Variants in PLAGL2 observed in about 807,000 individuals in gnomAD.
PLAGL2 encodes the protein zinc finger protein PLAGL2.
Under a neutral mutation model 29.0 loss-of-function variants are expected in PLAGL2, and 7 were observed. That is an observed-to-expected ratio of 0.24 (90% CI 0.14 to 0.45). The LOEUF is 0.45. Ranked by LOEUF, PLAGL2 falls within the 20% of genes least tolerant of loss-of-function variation. The pLI is 0.99. For missense variants in PLAGL2, 454 were observed against 648.2 expected, an observed-to-expected ratio of 0.70 and a Z score of 3.25; for synonymous variants, 234 against 266.0, an observed-to-expected ratio of 0.88 and a Z score of 1.17.
chr20:32,201,292 A>G (rs1482807365), intron 2 of PLAGL2, among the ~76,000 whole-genome samples: 2 of 152,232 alleles, frequency 1.3e-5, no homozygotes, highest in Non-Finnish European at 2.9e-5. Flanking sequence ...TATTTAAAAA[A>G]AAATGTTCAG....
rs1437283248 is a variant in PLAGL2, at chr20:32,197,126, T to A, written c.817A>T (p.Ser273Cys). The A allele has an allele frequency of 1.2e-6, 2 of 1,614,186 alleles. No homozygotes were observed. Among genetic ancestry groups the A allele is most frequent in the Admixed American group, 1.7e-5 (1 of 60,036 alleles). Residue 273 changes from serine (S) to cysteine (C), a missense_variant, in exon 3 of 3, where the codon AGC (serine) becomes TGC (cysteine). Coordinates refer to ENST00000246229, the MANE Select transcript of PLAGL2 (RefSeq NM_002657.3). The surrounding 1 kb of genome is among the most constrained non-coding windows in gnomAD (Gnocchi z 6.6). ...SSTVSVKEEL[S>C]PVLCMASRDV... ...CGAGAGGCCATGCACAGCACAGGGCTCAGCTCTTCCTTCACACTGACTGTG... is the reference window on the plus strand; with the variant it reads ...CGAGAGGCCATGCACAGCACAGGGCACAGCTCTTCCTTCACACTGACTGTG...
rs2047226635 is a variant in PLAGL2, at chr20:32,196,158, T to C, written c.*294A>G. 2 of 219,650 alleles carry C rather than the reference T, an allele frequency of 9.1e-6. No individual in the cohort carries two copies. The highest frequency in any genetic ancestry group is 2.3e-5 in the African/African-American group (1 of 44,014). The allele number at this position is 219,650 out of a possible 1,614,324, so 13.6% of individuals were successfully genotyped here. On this transcript the variant is annotated 3_prime_UTR_variant, in exon 3 of 3. Coordinates refer to ENST00000246229, the MANE Select transcript of PLAGL2 (RefSeq NM_002657.3). ...CCAAAGAGAAGGAGGTTCTGGCGCT[T>C]TGGAGAGGAAGAGGGCCAAGTGTGG...
In PLAGL2 at chr20:32,196,755, A is replaced by C. The variant is rs1456104988; in HGVS notation, c.1188T>G (p.Leu396=). ...CAGAGAGGTTGGCGGGGCTCTTGGC[A>C]AGCAGTGCTTCATCTAGGAGGGCCG... ...AAAALLDEAL[L]AKSPANLSEA... Residue 396 remains leucine, a synonymous_variant, in exon 3 of 3, where the codon CTT becomes CTG. Coordinates refer to ENST00000246229, the MANE Select transcript of PLAGL2 (RefSeq NM_002657.3). 6.3e-6 allele frequency: 10 copies of C among 1,598,082 alleles called. No homozygotes were observed. In the Admixed American group the frequency reaches 1.2e-4, roughly 19 times the overall value.
Position 32,200,014 on chromosome 20 carries a change from C to T in PLAGL2, c.260+1905G>A, listed in dbSNP as rs1372268092. 1.3e-4 allele frequency among the ~76,000 whole-genome samples: 20 copies of T among 152,224 alleles called. No homozygotes were observed. In the South Asian group the frequency reaches 3.3e-3, roughly 25 times the overall value. ...TTAGTCCCTTCCTATTAACTGTTTT[C>T]CAGATGAGGAACTGAGGCTTTGTGG... On this transcript the variant is annotated intron_variant, in intron 2 of 2. Coordinates refer to ENST00000246229, the MANE Select transcript of PLAGL2 (RefSeq NM_002657.3).
chr20:32,199,266 C>A (rs1292829745), intron 2 of PLAGL2, among the ~76,000 whole-genome samples: 1 of 152,198 alleles, frequency 6.6e-6, no homozygotes, highest in Non-Finnish European at 1.5e-5. Flanking sequence ...ACACCCCCTG[C>A]CCACATCCCA....
Position 32,202,310 on chromosome 20 carries a change from C to G in PLAGL2, c.-114-18G>C. ...CTCTTCACCTGAAACATCAGAACACCTGGTGTTAGGGAGCCCAATACCATG... is the reference window on the plus strand; with the variant it reads ...CTCTTCACCTGAAACATCAGAACACGTGGTGTTAGGGAGCCCAATACCATG... On this transcript the variant is annotated intron_variant, in intron 1 of 2. Transcript: ENST00000246229. The G allele has an allele frequency of 1.1e-6, 1 of 881,732 alleles. No individual in the cohort carries two copies. The highest frequency in any genetic ancestry group is 1.7e-6 in the Non-Finnish European group (1 of 571,644). The allele number at this position is 881,732 out of a possible 1,614,324, so 54.6% of individuals were successfully genotyped here.
chr20:32,206,379 T>A (rs2047287456), intron 1 of PLAGL2, among the ~76,000 whole-genome samples: 2 of 152,200 alleles, frequency 1.3e-5, no homozygotes, highest in Admixed American at 1.3e-4. Context: ...ACTCTCAGGC[T>A]GCTAATTCTT....
Position 32,193,871 on chromosome 20 carries a change from T to G in PLAGL2, c.*2581A>C, listed in dbSNP as rs1189487469. 4 of 152,312 alleles carry G rather than the reference T, an allele frequency of 2.6e-5. No homozygotes were observed. The East Asian group carries it at 7.7e-4, about 29-fold the overall frequency. The allele number at this position is 152,312 out of a possible 1,614,324, so 9.4% of individuals were successfully genotyped here. On this transcript the variant is annotated 3_prime_UTR_variant, in exon 3 of 3. Coordinates refer to ENST00000246229, the MANE Select transcript of PLAGL2 (RefSeq NM_002657.3). ...AAAAAAAGGTGAAGGCAGATATTATTCCTCTGTACCAGCAAAGTTCACAGT... is the reference window on the plus strand; with the variant it reads ...AAAAAAAGGTGAAGGCAGATATTATGCCTCTGTACCAGCAAAGTTCACAGT...
rs2122527487 is a variant in PLAGL2 at position 32,194,788 on chromosome 20, G to C, written c.*1664C>G. ...CTACTGAGAGAAGTGCCCAGAAACTGCTGACTGCATCTGTTAAGAGTTAAC... is the reference window on the plus strand; with the variant it reads ...CTACTGAGAGAAGTGCCCAGAAACTCCTGACTGCATCTGTTAAGAGTTAAC... On this transcript the variant is annotated 3_prime_UTR_variant, in exon 3 of 3. Transcript: ENST00000246229. 6.5e-6 allele frequency: 1 copy of C among 152,754 alleles called. No individual in the cohort carries two copies. Among genetic ancestry groups the C allele is most frequent in the South Asian group, 2.1e-4 (1 of 4,828 alleles). 9.5% of individuals were successfully genotyped at this position (152,754 alleles called of 1,614,324 possible). A position where few individuals can be genotyped will look rare whatever the true frequency, so the allele number is the denominator to read the frequency against.
rs1441790168 is a variant in PLAGL2 at position 32,197,696 on chromosome 20, C to G, written c.261-14G>C. The stretch of plus-strand genomic sequence containing the variant: ...GTGGCCATGTGCCTGGGGGTAGAGA[C>G]AGGGGATAGGGGAGAAAGCAGAAAG... On this transcript the variant is annotated splice_polypyrimidine_tract_variant and intron_variant, in intron 2 of 2. Transcript: ENST00000246229. The surrounding 1 kb of genome is among the most constrained non-coding windows in gnomAD (Gnocchi z 6.6). The G allele has an allele frequency of 6.2e-7, 1 of 1,609,212 alleles. No individual in the cohort carries two copies. The highest frequency in any genetic ancestry group is 8.5e-7 in the Non-Finnish European group (1 of 1,176,606).
chr20:32,199,238 A>G (rs2047246233), intron 2 of PLAGL2, among the ~76,000 whole-genome samples: 2 of 152,150 alleles, frequency 1.3e-5, no homozygotes, highest in African/African-American at 4.8e-5. Flanking sequence ...GATCCTTTCT[A>G]CCTGGAGGGT....
At chr20:32,203,741 G>C (rs2047271565) in intron 1 of PLAGL2, among the ~76,000 whole-genome samples, 1 of 152,174 alleles carries the variant, frequency 6.6e-6, no homozygotes, top group South Asian at 2.1e-4. Context: ...GGGATCAGCG[G>C]GTTCATGCCC....
intron 2 of PLAGL2, among the ~76,000 whole-genome samples, chr20:32,199,115 T>TA (rs539750479): frequency 5.6e-4 from 85 of 151,884 alleles, no homozygotes; most frequent in Middle Eastern, 3.4e-3. Context: ...GAAAGGAGTC[T>TA]AAAAAAAAGG....
At chr20:32,207,173 G>A (rs2047293142) in intron 1 of PLAGL2, among the ~76,000 whole-genome samples, 1 of 152,178 alleles carries the variant, frequency 6.6e-6, no homozygotes, top group African/African-American at 2.4e-5. Context: ...AGTTATGTAA[G>A]TCTGGAAAAT....
Position 32,195,799 on chromosome 20 carries a change from T to C in PLAGL2, c.*653A>G, listed in dbSNP as rs2047224626. The C allele has an allele frequency of 6.5e-6, 1 of 152,740 alleles. No homozygotes were observed. The highest frequency in any genetic ancestry group is 1.5e-5 in the Non-Finnish European group (1 of 68,118). The allele number at this position is 152,740 out of a possible 1,614,324, so 9.5% of individuals were successfully genotyped here. On this transcript the variant is annotated 3_prime_UTR_variant, in exon 3 of 3. Coordinates refer to ENST00000246229, the MANE Select transcript of PLAGL2 (RefSeq NM_002657.3). ...GAATGGATTCACGGTGTGTAAACAG[T>C]GTTCACTGCAATCACTCTAAGGCTA...
chr20:32,196,998 C>T lies in PLAGL2; in HGVS notation c.945G>A (p.Val315=), dbSNP rs114966148. 9 of 1,614,192 alleles carry T rather than the reference C, an allele frequency of 5.6e-6. No homozygotes were observed. The highest frequency in any genetic ancestry group is 1.7e-5 in the Admixed American group (1 of 60,032). ...TCATACCCATGGGCAGCGTGTTGTGCACCAGGGAGTGTGGCACGCCCGTGC... is the reference window on the plus strand; with the variant it reads ...TCATACCCATGGGCAGCGTGTTGTGTACCAGGGAGTGTGGCACGCCCGTGC... ...MPSTGVPHSL[V]HNTLPMGMSY... The change falls in exon 3 of 3, where the codon GTG becomes GTA. Residue 315 remains valine, a synonymous_variant. Coordinates refer to ENST00000246229, the MANE Select transcript of PLAGL2 (RefSeq NM_002657.3).
At chr20:32,201,335 A>G (rs2047258317) in intron 2 of PLAGL2, among the ~76,000 whole-genome samples, 2 of 152,330 alleles carry the variant, frequency 1.3e-5, no homozygotes, top group East Asian at 3.9e-4. Context: ...CTGTAATCTC[A>G]CTGCTTTGGG....
At position 32,197,566 on chromosome 20, in the gene PLAGL2, G is replaced by C. The variant is rs1455892003; in HGVS notation, c.377C>G (p.Ala126Gly). The change falls in exon 3 of 3, where the codon GCC (alanine) becomes GGC (glycine). Residue 126 changes from alanine to glycine, a missense_variant. Coordinates refer to ENST00000246229, the MANE Select transcript of PLAGL2 (RefSeq NM_002657.3). The surrounding 1 kb of genome is among the most constrained non-coding windows in gnomAD (Gnocchi z 6.6). ...HLQTHDPNKE[A>G]LHCSECGKNY... ...CTTACCGCACTCAGAGCAGTGGAGG[G>C]CCTCTTTGTTAGGATCATGGGTCTG... 6.2e-7 allele frequency: 1 copy of C among 1,614,214 alleles called. No homozygotes were observed. The highest frequency in any genetic ancestry group is 1.7e-5 in the Admixed American group (1 of 60,034).
rs1167493356 is a variant in PLAGL2, at chr20:32,196,491, A to G, written c.1452T>C (p.Ser484=). Residue 484 remains serine, a synonymous_variant, in exon 3 of 3, where the codon AGT becomes AGC. Transcript: ENST00000246229. ...SLPPVFTSGL[S]STTLPRFHQA... is the part of the protein sequence containing the mutation. ...GATGGAAACGAGGCAGGGTGGTGCT[A>G]CTCAGGCCAGACGTGAAGACAGGAG... is the stretch of plus-strand genomic sequence containing the variant. The G allele has an allele frequency of 2.0e-6, 3 of 1,509,342 alleles. No individual in the cohort carries two copies. Among genetic ancestry groups the G allele is most frequent in the Non-Finnish European group, 2.7e-6 (3 of 1,130,876 alleles). The allele number at this position is 1,509,342 out of a possible 1,614,324, so 93.5% of individuals were successfully genotyped here. A position where few individuals can be genotyped will look rare whatever the true frequency, so the allele number is the denominator to read the frequency against.
Sources: gnomAD v4.1 joint callset for allele counts (sites outside exome capture counted in the v4.1 genomes callset) on GRCh38, gnomAD v4.1.1 for gene constraint, Gnocchi (gnomAD v3.1) non-coding constraint, MANE v1.5 for transcripts, NCBI Gene and HGNC (gene_info 2026-07-23, HGNC 2026-07-21) for gene names.